Variants in DLGAP2 observed in about 807,000 individuals in gnomAD.
DLGAP2 encodes DLG associated protein 2.
A neutral mutation model predicts 100.3 loss-of-function variants in DLGAP2; 26 were observed. The ratio of observed to expected loss-of-function variants is 0.26; its 90% confidence interval spans 0.19 to 0.36. DLGAP2 has a LOEUF of 0.36. Among genes scored for constraint, DLGAP2 ranks in the 10% least tolerant of loss-of-function variants. The pLI is 1.00. For missense variants in DLGAP2, 1,858 were observed against 1,453.2 expected (o/e 1.28, Z -4.53); for synonymous variants, 886 against 630.1 (o/e 1.41, Z -6.08).
intron 3 of DLGAP2, among the ~76,000 whole-genome samples, chr8:1,427,907 C>T (rs1343163099): frequency 6.6e-6 from 1 of 152,014 alleles, no homozygotes; most frequent in Non-Finnish European, 1.5e-5. Context: ...CTTAACAGTG[C>T]CGCAATGAAT....
intron 2 of DLGAP2, among the ~76,000 whole-genome samples, chr8:1,243,269 G>C (rs985053956): frequency 2.0e-5 from 3 of 152,164 alleles, no homozygotes; most frequent in African/African-American, 4.8e-5. Context: ...CTCAAGGGAA[G>C]GGGCTGGTGC....
chr8:1,630,646 G>T (rs971504832), intron 7 of DLGAP2, among the ~76,000 whole-genome samples: 2 of 151,704 alleles, frequency 1.3e-5, no homozygotes, highest in Admixed American at 1.3e-4. Flanking sequence ...AGCTTGCAGT[G>T]AGCCGAGATC....
At chr8:1,677,804 T>C (rs1186856051) in intron 11 of DLGAP2, among the ~76,000 whole-genome samples, 3 of 152,184 alleles carry the variant, frequency 2.0e-5, no homozygotes, top group Non-Finnish European at 4.4e-5. Context: ...TGAAACACAA[T>C]TTGGAAGCCA....
chr8:1,164,437 T>TCGC (rs1796973992), intron 2 of DLGAP2, among the ~76,000 whole-genome samples: 1 of 145,568 alleles, frequency 6.9e-6, no homozygotes, highest in African/African-American at 2.5e-5. Flanking sequence ...CAGCCCCATG[T>TCGC]GAAAGTCTGG....
At chr8:813,158 G>C (rs1011361010) in intron 1 of DLGAP2, among the ~76,000 whole-genome samples, 1 of 151,774 alleles carries the variant, frequency 6.6e-6, no homozygotes, top group African/African-American at 2.4e-5. Flanking sequence ...ACATAAAATT[G>C]CTATATTTTC....
chr8:824,182 C>T (rs926517587), intron 1 of DLGAP2, among the ~76,000 whole-genome samples: 3 of 152,184 alleles, frequency 2.0e-5, no homozygotes, highest in Non-Finnish European at 4.4e-5. Context: ...TCAGGTGATC[C>T]TCCCATCTCA....
At chr8:1,482,468 T>C (rs1440881880) in intron 3 of DLGAP2, among the ~76,000 whole-genome samples, 1 of 152,246 alleles carries the variant, frequency 6.6e-6, no homozygotes, top group South Asian at 2.1e-4. Context: ...AATCACAGAA[T>C]GTATGGAACG....
chr8:944,807 G>C (rs1027841559), intron 2 of DLGAP2, among the ~76,000 whole-genome samples: 1 of 151,776 alleles, frequency 6.6e-6, no homozygotes, highest in African/African-American at 2.4e-5. Context: ...AGTCGATATG[G>C]GTGATCCAGT....
chr8:1,615,790 A>C (rs1376085561), intron 6 of DLGAP2, among the ~76,000 whole-genome samples: 1 of 152,218 alleles, frequency 6.6e-6, no homozygotes, highest in Non-Finnish European at 1.5e-5. Context: ...GAATGACATA[A>C]AAATATTAGA....
At chr8:1,460,564 T>C (rs1798444759) in intron 3 of DLGAP2, among the ~76,000 whole-genome samples, 1 of 152,194 alleles carries the variant, frequency 6.6e-6, no homozygotes, top group Non-Finnish European at 1.5e-5. Context: ...GACTCGACGG[T>C]CTCTTCACTG....
intron 2 of DLGAP2, among the ~76,000 whole-genome samples, chr8:1,071,993 G>A (rs781630232): frequency 7.9e-5 from 12 of 152,148 alleles, no homozygotes; most frequent in Non-Finnish European, 1.3e-4. Flanking sequence ...CTGGACATTG[G>A]CCGGCCAGCG....
Position 1,644,186 on chromosome 8 carries a change from C to CA in DLGAP2, c.1810+11141dup, listed in dbSNP as rs529680818. Reference sequence around the variant, plus strand: ...CTCACCTGGGTGCCTCCTCAGCCTCCAGGGGCCTGGCAGGACTTCCCACCC... The same window carrying CA: ...CTCACCTGGGTGCCTCCTCAGCCTCCAAGGGGCCTGGCAGGACTTCCCACCC... On this transcript the variant is annotated intron_variant, in intron 8 of 14. Coordinates refer to ENST00000637795, the MANE Select transcript of DLGAP2 (RefSeq NM_001346810.2). 3.2e-3 allele frequency among the ~76,000 whole-genome samples: 494 copies of CA among 152,210 alleles called. 7 individuals carry two copies. Among genetic ancestry groups the CA allele is most frequent in the South Asian group, 9.5e-3 (46 of 4,822 alleles).
At chr8:1,531,503 A>G (rs549048792) in intron 4 of DLGAP2, among the ~76,000 whole-genome samples, 20 of 152,270 alleles carry the variant, frequency 1.3e-4, no homozygotes, top group African/African-American at 4.1e-4. Context: ...AAATTATTTC[A>G]TACTGATAAT....
rs907337059 is a variant in DLGAP2, at chr8:1,708,179, T to A, written c.*6773T>A. The A allele has an allele frequency of 6.6e-6, 1 of 152,252 alleles. No individual in the cohort carries two copies. Among genetic ancestry groups the A allele is most frequent in the African/African-American group, 2.4e-5 (1 of 41,466 alleles). 9.4% of individuals were successfully genotyped at this position (152,252 alleles called of 1,614,324 possible). ...CTCCATTTGACTTCTGTATCGCTGA[T>A]GTTCACCTCCTGTAAATAGTTTGGC... On this transcript the variant is annotated 3_prime_UTR_variant, in exon 15 of 15. Coordinates refer to ENST00000637795, the MANE Select transcript of DLGAP2 (RefSeq NM_001346810.2).
At chr8:907,253 T>C (rs2128998716) in intron 1 of DLGAP2, among the ~76,000 whole-genome samples, 1 of 152,318 alleles carries the variant, frequency 6.6e-6, no homozygotes, top group Middle Eastern at 3.4e-3. Flanking sequence ...TTCCTCTAAT[T>C]GAGTTTAGAA....
At chr8:1,053,924 T>C (rs968600091) in intron 2 of DLGAP2, among the ~76,000 whole-genome samples, 2 of 152,214 alleles carry the variant, frequency 1.3e-5, no homozygotes, top group Non-Finnish European at 2.9e-5. Flanking sequence ...TTCCAAAAGA[T>C]TAAAAATGAT....
chr8:872,845 G>C, intron 1 of DLGAP2, among the ~76,000 whole-genome samples: 1 of 152,114 alleles, frequency 6.6e-6, no homozygotes, highest in East Asian at 1.9e-4. Context: ...TCCTGTATCA[G>C]CACAGTCAGT....
At chr8:924,666 T>C (rs1335666792) in intron 2 of DLGAP2, among the ~76,000 whole-genome samples, 3 of 151,926 alleles carry the variant, frequency 2.0e-5, no homozygotes, top group Admixed American at 1.3e-4. Context: ...CACTGCAACC[T>C]CCACCTCCTG....
intron 2 of DLGAP2, among the ~76,000 whole-genome samples, chr8:1,161,557 G>C (rs954124198): frequency 6.6e-6 from 1 of 152,198 alleles, no homozygotes; most frequent in Non-Finnish European, 1.5e-5. Flanking sequence ...TCACATTTCA[G>C]GTAGAAAATC....
Sources: allele counts gnomAD v4.1 joint callset (sites outside exome capture counted in the v4.1 genomes callset), GRCh38; gene constraint gnomAD v4.1.1; transcripts MANE v1.5; gene names NCBI Gene and HGNC (gene_info 2026-07-23, HGNC 2026-07-21).